The following COL8A1 variants were observed in gnomAD, a reference collection of about 807,000 sequenced individuals.
COL8A1 encodes the protein collagen type VIII alpha 1 chain, also known as collagen alpha-1(VIII) chain.
Under a neutral mutation model 42.7 loss-of-function variants are expected in COL8A1, and 21 were observed. That is an observed-to-expected ratio of 0.49 (90% confidence interval 0.35 to 0.71). COL8A1 has a LOEUF of 0.71. Among genes scored for constraint, COL8A1 ranks in the 30% least tolerant of loss-of-function variants. The pLI is 0.01. For synonymous variants in COL8A1, 367 were observed against 369.1 expected (o/e 0.99, Z 0.06); for missense variants, 788 against 962.4 (o/e 0.82, Z 2.40).
At chr3:99,766,763 A>C (rs1576468734) in intron 2 of COL8A1, among the ~76,000 whole-genome samples, 2 of 152,310 alleles carry the variant, frequency 1.3e-5, no homozygotes, top group Non-Finnish European at 2.9e-5. Flanking sequence ...CAGCCTGACC[A>C]ACATGGAGAA....
intron 1 of COL8A1, among the ~76,000 whole-genome samples, chr3:99,643,781 AG>A (rs1425640151): frequency 6.6e-6 from 1 of 152,224 alleles, no homozygotes; most frequent in Non-Finnish European, 1.5e-5. Context: ...CTTAAGATCT[AG>A]TTCCAATATT....
chr3:99,700,889 T>C (rs1310251810), intron 1 of COL8A1, among the ~76,000 whole-genome samples: 2 of 152,116 alleles, frequency 1.3e-5, no homozygotes, highest in African/African-American at 4.8e-5. Context: ...TTCTGGAAGT[T>C]CCGTCTCTAC....
At chr3:99,768,075 C>T (rs892445638) in intron 2 of COL8A1, among the ~76,000 whole-genome samples, 8 of 152,100 alleles carry the variant, frequency 5.3e-5, no homozygotes, top group African/African-American at 1.7e-4. Flanking sequence ...TCAAAATTGG[C>T]GACAGTAAGG....
chr3:99,733,461 C>T (rs1289416883), intron 1 of COL8A1, among the ~76,000 whole-genome samples: 2 of 147,226 alleles, frequency 1.4e-5, no homozygotes, highest in South Asian at 2.2e-4. Context: ...ATCCATGTCC[C>T]TACAAAGGAC....
At chr3:99,757,710 A>G (rs1228022992) in intron 2 of COL8A1, among the ~76,000 whole-genome samples, 1 of 152,206 alleles carries the variant, frequency 6.6e-6, no homozygotes, top group Admixed American at 6.5e-5. Context: ...GATGAAAACT[A>G]GTAAAGAAAT....
At chr3:99,657,466 C>T (rs1352812844) in intron 1 of COL8A1, among the ~76,000 whole-genome samples, 2 of 152,160 alleles carry the variant, frequency 1.3e-5, no homozygotes, top group African/African-American at 4.8e-5. Context: ...CATCTTTTAG[C>T]TGATAAGACT....
chr3:99,671,417 T>C (rs1456070266), intron 1 of COL8A1, among the ~76,000 whole-genome samples: 1 of 152,050 alleles, frequency 6.6e-6, no homozygotes. Flanking sequence ...TTAACATACA[T>C]TGTGGAATAA....
chr3:99,722,082 G>A (rs1455820044), intron 1 of COL8A1, among the ~76,000 whole-genome samples: 2 of 152,036 alleles, frequency 1.3e-5, no homozygotes, highest in South Asian at 2.1e-4. Context: ...TACTTTTGAG[G>A]ATTCTTTTGA....
At chr3:99,688,918 T>G (rs972339325) in intron 1 of COL8A1, among the ~76,000 whole-genome samples, 1 of 152,076 alleles carries the variant, frequency 6.6e-6, no homozygotes, top group African/African-American at 2.4e-5. Context: ...CCCTGGACTT[T>G]TACTAGATGC....
chr3:99,708,777 G>T (rs1403776210), intron 1 of COL8A1, among the ~76,000 whole-genome samples: 1 of 152,060 alleles, frequency 6.6e-6, no homozygotes, highest in African/African-American at 2.4e-5. Context: ...TGCTTATAAA[G>T]GCATTTTCCA....
chr3:99,764,738 C>T (rs1322386969), intron 2 of COL8A1, among the ~76,000 whole-genome samples: 3 of 118,598 alleles, frequency 2.5e-5, no homozygotes, highest in Non-Finnish European at 4.8e-5. Context: ...CTCCCTCTGT[C>T]GCCCAGGCCG....
At chr3:99,720,497 C>T (rs978421980) in intron 1 of COL8A1, among the ~76,000 whole-genome samples, 25 of 151,926 alleles carry the variant, frequency 1.6e-4, no homozygotes, top group African/African-American at 6.0e-4. Flanking sequence ...TAGAATTCTG[C>T]CAATCTGAAT....
intron 1 of COL8A1, among the ~76,000 whole-genome samples, chr3:99,639,434 A>T (rs780650178): frequency 6.6e-6 from 1 of 152,250 alleles, no homozygotes; most frequent in Non-Finnish European, 1.5e-5. Context: ...AGGCCAGATT[A>T]TACAATACTT....
chr3:99,675,745 A>T (rs185959588), intron 1 of COL8A1: 1 of 152,458 alleles, frequency 6.6e-6, no homozygotes, highest in Non-Finnish European at 1.5e-5. Context: ...TATTAATTAG[A>T]TATTTGCGGT....
chr3:99,742,550 T>C (rs1340023605), intron 1 of COL8A1, among the ~76,000 whole-genome samples: 1 of 152,240 alleles, frequency 6.6e-6, no homozygotes, highest in Non-Finnish European at 1.5e-5. Flanking sequence ...AAAAATGTCT[T>C]TTAATTAGAA....
In COL8A1 at chr3:99,732,828, G is replaced by A. The variant is rs543595935; in HGVS notation, c.-128-12069G>A. 6.9e-4 allele frequency among the ~76,000 whole-genome samples: 105 copies of A among 152,178 alleles called. No individual in the cohort carries two copies. In the South Asian group the frequency reaches 0.02, roughly 29 times the overall value. On this transcript the variant is annotated intron_variant, in intron 1 of 3. Coordinates refer to ENST00000652472, the MANE Select transcript of COL8A1 (RefSeq NM_020351.4). ...GACAAGGCAAGTCCCTCCCACCTATGAGCCTATAAAATCAAAAGCAAGTTA... is the reference window on the plus strand; with the variant it reads ...GACAAGGCAAGTCCCTCCCACCTATAAGCCTATAAAATCAAAAGCAAGTTA...
rs778385041 is a variant in COL8A1 at position 99,790,694 on chromosome 3, G to T, written c.12G>T (p.Leu4=). Residue 4 remains leucine (L), a synonymous_variant, in exon 3 of 4, where the codon CTG becomes CTT. Coordinates refer to ENST00000652472, the MANE Select transcript of COL8A1 (RefSeq NM_020351.4). MAV[L]PGPLQLLGVL... is the part of the protein sequence containing the mutation. ...TCCTCCCACAGGTGATGGCTGTGCT[G>T]CCTGGCCCTCTGCAGCTGCTGGGAG... is the stretch of plus-strand genomic sequence containing the variant. The T allele has an allele frequency of 2.1e-5, 34 of 1,613,946 alleles. No homozygotes were observed. The highest frequency in any genetic ancestry group is 2.7e-5 in the Non-Finnish European group (32 of 1,179,922).
At chr3:99,738,716 G>T (rs1401302356) in intron 1 of COL8A1, among the ~76,000 whole-genome samples, 1 of 147,956 alleles carries the variant, frequency 6.8e-6, no homozygotes, top group Non-Finnish European at 1.5e-5. Context: ...AGCCTACAGA[G>T]GCAGGCAGGC....
At chr3:99,648,708 T>C (rs1392535651) in intron 1 of COL8A1, among the ~76,000 whole-genome samples, 1 of 152,124 alleles carries the variant, frequency 6.6e-6, no homozygotes, top group African/African-American at 2.4e-5. Context: ...CAATAGAAAT[T>C]TCCATGATTC....
Sources: gnomAD v4.1 joint callset for allele counts (sites outside exome capture counted in the v4.1 genomes callset) on GRCh38, gnomAD v4.1.1 for gene constraint, MANE v1.5 for transcripts, NCBI Gene and HGNC (gene_info 2026-07-23, HGNC 2026-07-21) for gene names.